ACTN4: variants seen among roughly 807,000 people sequenced by gnomAD.
The protein encoded by ACTN4 is alpha-actinin-4.
Under a neutral mutation model 114.2 loss-of-function variants are expected in ACTN4, and 18 were observed. That is an observed-to-expected ratio of 0.16 (90% confidence interval 0.11 to 0.23). ACTN4 has a LOEUF of 0.23. ACTN4 is among the 10% of genes least tolerant of loss of function. The pLI is 1.00. For synonymous variants in ACTN4, 515 were observed against 506.3 expected, an observed-to-expected ratio of 1.02 and a Z score of -0.23; for missense variants, 722 against 1,262.9, an observed-to-expected ratio of 0.57 and a Z score of 6.49.
In ACTN4 at chr19:38,717,975, G is replaced by A. The variant is rs759384679; in HGVS notation, c.1192G>A (p.Glu398Lys). ...CTTGGAGCAGGCTGAGAAGGGCTAC[G>A]AGGAGTGGCTGCTGAATGAGATCCG... is the stretch of plus-strand genomic sequence containing the variant. ...QHLEQAEKGY[E>K]EWLLNEIRRL... The change falls in exon 11 of 21, where the codon GAG (glutamate) becomes AAG (lysine). Residue 398 changes from glutamate to lysine, a missense_variant. Physicochemically the swap from Glu to Lys is moderately conservative, Grantham distance 56 (BLOSUM62 1). Coordinates refer to ENST00000252699, the MANE Select transcript of ACTN4 (RefSeq NM_004924.6). This position sits in a 1 kb window ranked among gnomAD's most constrained non-coding sequence, Gnocchi z 4.0. 3.1e-6 allele frequency: 5 copies of A among 1,608,920 alleles called. No individual in the cohort carries two copies. The highest frequency in any genetic ancestry group is 2.2e-5 in the East Asian group (1 of 44,734).
chr19:38,691,401 C>CAAAAAAAAA (rs34899917), intron 1 of ACTN4, among the ~76,000 whole-genome samples: 2 of 52,878 alleles, frequency 3.8e-5, no homozygotes, highest in Non-Finnish European at 7.8e-5. Context: ...AACTCCGTCT[C>CAAAAAAAAA]AAAAAAAAAA....
In ACTN4 at chr19:38,717,062, C is replaced by T. The variant is rs1968866018; in HGVS notation, c.913-24C>T. The T allele has an allele frequency of 1.2e-6, 2 of 1,603,504 alleles. No homozygotes were observed. The highest frequency in any genetic ancestry group is 8.5e-7 in the Non-Finnish European group (1 of 1,174,900). ...CACTCTGAGGGTCCCCCACAAAGGC[C>T]ACGCTGGCTTCTGTGGCCCACAGCT... On this transcript the variant is annotated intron_variant, in intron 9 of 20. Transcript: ENST00000252699. The surrounding 1 kb of genome is among the most constrained non-coding windows in gnomAD (Gnocchi z 4.0).
intron 12 of ACTN4, chr19:38,721,994 C>G (rs2145083332): frequency 2.2e-6 from 1 of 456,880 alleles, no homozygotes; most frequent in East Asian, 4.5e-5. Context: ...TCCTGGCCAC[C>G]CCAAGTAGGC....
intron 1 of ACTN4, among the ~76,000 whole-genome samples, chr19:38,666,215 C>T (rs534042383): frequency 6.5e-4 from 86 of 132,762 alleles, no homozygotes; most frequent in African/African-American, 1.8e-3. Context: ...TCTTCAACTT[C>T]GCCCCTGTCC....
At chr19:38,691,833 G>A (rs970605526) in intron 1 of ACTN4, among the ~76,000 whole-genome samples, 2 of 152,118 alleles carry the variant, frequency 1.3e-5, no homozygotes, top group African/African-American at 2.4e-5. Context: ...AACCCGGGAG[G>A]TGGAGGCTGC....
chr19:38,728,237 G>A, intron 19 of ACTN4: 1 of 1,464,474 alleles, frequency 6.8e-7, no homozygotes, highest in Non-Finnish European at 9.3e-7. Flanking sequence ...TGTCCTGTCT[G>A]CCTGCTGTGC....
chr19:38,653,985 G>GA (rs768290651), intron 1 of ACTN4, among the ~76,000 whole-genome samples: 4 of 152,158 alleles, frequency 2.6e-5, no homozygotes, highest in Non-Finnish European at 5.9e-5. Context: ...TTTAAACTTG[G>GA]AAACATCAAA....
chr19:38,681,129 G>GAAAAAAAAAAAAAAAAAAAAAAAAAA (rs35906770), intron 1 of ACTN4, among the ~76,000 whole-genome samples: 1 of 69,274 alleles, frequency 1.4e-5, no homozygotes, highest in South Asian at 5.9e-4. Flanking sequence ...CCAATCTCTA[G>GAAAAAAAAAAAAAAAAAAAAAAAAAA]AAAAAAAAAA....
At chr19:38,691,401 C>CAAAAAAAAAAAAAA (rs34899917) in intron 1 of ACTN4, among the ~76,000 whole-genome samples, 1 of 52,848 alleles carries the variant, frequency 1.9e-5, no homozygotes, top group Non-Finnish European at 3.9e-5. Flanking sequence ...AACTCCGTCT[C>CAAAAAAAAAAAAAA]AAAAAAAAAA....
chr19:38,674,250 AG>A (rs1410043595), intron 1 of ACTN4, among the ~76,000 whole-genome samples: 1 of 152,132 alleles, frequency 6.6e-6, no homozygotes, highest in African/African-American at 2.4e-5. Flanking sequence ...TGTTCTAGGC[AG>A]GAGGACCCAG....
chr19:38,681,169 A>G (rs1599791302), intron 1 of ACTN4, among the ~76,000 whole-genome samples: 2 of 148,328 alleles, frequency 1.3e-5, no homozygotes, highest in African/African-American at 5.0e-5. Flanking sequence ...TTCTAAACTC[A>G]CAGTGCTGCT....
Position 38,729,717 on chromosome 19 carries a change from C to A in ACTN4, c.*285C>A. 1 of 617,636 alleles carries A rather than the reference C, an allele frequency of 1.6e-6. No individual in the cohort carries two copies. Among genetic ancestry groups the A allele is most frequent in the Non-Finnish European group, 3.0e-6 (1 of 332,918 alleles). 38.3% of individuals were successfully genotyped at this position (617,636 alleles called of 1,614,324 possible). ...TTAACCAAGGAGGGGCCAGTGGATT[C>A]CCACAGCACAACCGGTCCCTTCCAT... On this transcript the variant is annotated 3_prime_UTR_variant, in exon 21 of 21. Transcript: ENST00000252699.
In ACTN4 at chr19:38,730,603, T is replaced by TAGCACTGTC. The variant is rs1969510584; in HGVS notation, c.*1172_*1180dup. ...CCTTCTAGGAGAGCCAGGGCAGAGC[T>TAGCACTGTC]AGCACTGTCTTAAGCTGTCAACGTG... On this transcript the variant is annotated 3_prime_UTR_variant, in exon 21 of 21. Transcript: ENST00000252699. 3.4e-6 allele frequency: 2 copies of TAGCACTGTC among 591,818 alleles called. No individual in the cohort carries two copies. Among genetic ancestry groups the TAGCACTGTC allele is most frequent in the African/African-American group, 3.7e-5 (2 of 53,892 alleles). 36.7% of individuals were successfully genotyped at this position (591,818 alleles called of 1,614,324 possible). A position where few individuals can be genotyped will look rare whatever the true frequency, so the allele number is the denominator to read the frequency against.
At chr19:38,710,760 G>C (rs1968620691) in intron 8 of ACTN4, 5 of 334,442 alleles carry the variant, frequency 1.5e-5, no homozygotes, top group South Asian at 1.2e-4. Flanking sequence ...GGAGCTGCTA[G>C]ATGCAGGCTG....
rs1163310991 is a variant in ACTN4, at chr19:38,730,417, T to C, written c.*985T>C. The C allele has an allele frequency of 5.4e-6, 1 of 185,540 alleles. No individual in the cohort carries two copies. Among genetic ancestry groups the C allele is most frequent in the Admixed American group, 5.4e-5 (1 of 18,356 alleles). 11.5% of individuals were successfully genotyped at this position (185,540 alleles called of 1,614,324 possible). On this transcript the variant is annotated 3_prime_UTR_variant, in exon 21 of 21. Coordinates refer to ENST00000252699, the MANE Select transcript of ACTN4 (RefSeq NM_004924.6). ...CCTGGCTGCCTGGTGGTTGATGGTTTTGCTCCCCCTACCTTTTTTTTTTGA... is the reference window on the plus strand; with the variant it reads ...CCTGGCTGCCTGGTGGTTGATGGTTCTGCTCCCCCTACCTTTTTTTTTTGA...
rs1969476464 is a variant in ACTN4, at chr19:38,730,287, G to GAAGAC, written c.*857_*861dup. 6.2e-6 allele frequency: 1 copy of GAAGAC among 161,818 alleles called. No individual in the cohort carries two copies. The highest frequency in any genetic ancestry group is 2.4e-5 in the African/African-American group (1 of 41,400). 10.0% of individuals were successfully genotyped at this position (161,818 alleles called of 1,614,324 possible). ...CTGCCGTCTCTCCTGCTCTCATAAT[G>GAAGAC]AAGACATAGCCGATTCTCTGCCCGG... On this transcript the variant is annotated 3_prime_UTR_variant, in exon 21 of 21. Transcript: ENST00000252699.
intron 1 of ACTN4, among the ~76,000 whole-genome samples, chr19:38,687,838 C>T (rs1320343629): frequency 6.6e-6 from 1 of 152,158 alleles, no homozygotes; most frequent in Non-Finnish European, 1.5e-5. Context: ...AAAAGGACAA[C>T]CCGCAGAATA....
At position 38,685,538 on chromosome 19, in the gene ACTN4, G is replaced by A. The variant is rs148851557; in HGVS notation, c.163-15062G>A. ...CTGGTGAGCACCCAACCTCTGGATC[G>A]AGGGGACTCAATTATGCGGATAAAG... On this transcript the variant is annotated intron_variant, in intron 1 of 20. Coordinates refer to ENST00000252699, the MANE Select transcript of ACTN4 (RefSeq NM_004924.6). Among the ~76,000 whole-genome samples, 373 of 152,274 alleles carry A rather than the reference G, an allele frequency of 2.4e-3. 2 individuals carry two copies. The highest frequency in any genetic ancestry group is 8.5e-3 in the African/African-American group (352 of 41,554).
chr19:38,708,269 C>G, intron 6 of ACTN4, 74 bp downstream of exon 6: 1 of 1,489,114 alleles, frequency 6.7e-7, no homozygotes, highest in Non-Finnish European at 9.3e-7. Context: ...GTCACCATCC[C>G]CATGCCCTTC....
Sources: gnomAD v4.1 joint callset for allele counts (sites outside exome capture counted in the v4.1 genomes callset) on GRCh38, gnomAD v4.1.1 for gene constraint, Gnocchi (gnomAD v3.1) non-coding constraint, MANE v1.5 for transcripts, NCBI Gene and HGNC (gene_info 2026-07-23, HGNC 2026-07-21) for gene names.